Variants in TARDBP observed in about 807,000 individuals in gnomAD.
TARDBP encodes the protein TAR DNA binding protein.
A neutral mutation model predicts 38.3 loss-of-function variants in TARDBP; 4 were observed. The observed-to-expected ratio is 0.10, with a 90% CI of 0.05 to 0.24. The LOEUF is 0.24. TARDBP is among the 10% of genes least tolerant of loss of function. TARDBP has a pLI of 1.00. For synonymous variants in TARDBP, 184 were observed against 183.8 expected (o/e 1.00, Z -0.01); for missense variants, 202 against 521.9 (o/e 0.39, Z 5.97).
At chr1:11,021,733 T>C (rs1643642823) in intron 5 of TARDBP, among the ~76,000 whole-genome samples, 1 of 152,206 alleles carries the variant, frequency 6.6e-6, no homozygotes, top group African/African-American at 2.4e-5. Flanking sequence ...CCCAAGTAGC[T>C]AGGACAGATG....
intron 4 of TARDBP, chr1:11,019,086 AT>A (rs765514508): frequency 2.4e-5 from 15 of 629,832 alleles, no homozygotes; most frequent in Non-Finnish European, 3.8e-5. Flanking sequence ...ACCTTTGTTC[AT>A]TTTGTTCTTC....
chr1:11,017,202 CTTT>C (rs61443822), intron 3 of TARDBP, among the ~76,000 whole-genome samples, 195 bp downstream of exon 3: 66 of 105,838 alleles, frequency 6.2e-4, no homozygotes, highest in African/African-American at 1.9e-3. Flanking sequence ...TGTTACCTTT[CTTT>C]TTTTTTTTTT....
intron 1 of TARDBP, among the ~76,000 whole-genome samples, chr1:11,013,491 A>C (rs1643455648): frequency 6.6e-6 from 1 of 152,210 alleles, no homozygotes; most frequent in Non-Finnish European, 1.5e-5. Flanking sequence ...ATAAGCCTTC[A>C]GGGAAAGTTT....
downstream of TARDBP, chr1:11,030,320 C>A: frequency 9.2e-7 from 1 of 1,085,926 alleles, no homozygotes; most frequent in South Asian, 1.3e-5. Flanking sequence ...CTTGAATACC[C>A]CCTTGAAAAA....
chr1:11,016,403 G>C, intron 2 of TARDBP: 1 of 195,154 alleles, frequency 5.1e-6, no homozygotes, highest in South Asian at 8.8e-5. Flanking sequence ...TCAGCCTCCT[G>C]AGTTGCTGGA....
At chr1:11,019,924 G>A (rs1403907148) in intron 4 of TARDBP, among the ~76,000 whole-genome samples, 4 of 148,308 alleles carry the variant, frequency 2.7e-5, no homozygotes, top group Non-Finnish European at 5.9e-5. Context: ...GAGTGCAATG[G>A]TGCAATCTTG....
intron 3 of TARDBP, chr1:11,018,355 AT>A (rs1570718886): frequency 7.0e-6 from 1 of 142,310 alleles, no homozygotes; most frequent in East Asian, 1.8e-4. Flanking sequence ...CACCTGGCTA[AT>A]CTTTGTATTT....
downstream of TARDBP, among the ~76,000 whole-genome samples, chr1:11,028,858 C>T (rs1157575296): frequency 1.3e-5 from 2 of 151,448 alleles, no homozygotes; most frequent in Admixed American, 1.3e-4. Context: ...GGACTACAGG[C>T]ACACGCCACC....
Position 11,013,817 on chromosome 1 carries a change from G to A in TARDBP, c.90G>A (p.Thr30=), listed in dbSNP as rs111671110. 8.1e-6 allele frequency: 13 copies of A among 1,613,872 alleles called. No individual in the cohort carries two copies. Among genetic ancestry groups the A allele is most frequent in the African/African-American group, 1.3e-5 (1 of 74,930 alleles). The change falls in exon 2 of 6, where the codon ACG becomes ACA. Residue 30 remains threonine, a synonymous_variant. Transcript: ENST00000240185. Reference sequence around the variant, plus strand: ...ACGATGGGACGGTGCTGCTCTCCACGGTTACAGCCCAGTTTCCAGGGGCGT... The same window carrying A: ...ACGATGGGACGGTGCTGCTCTCCACAGTTACAGCCCAGTTTCCAGGGGCGT... The part of the protein sequence containing the change: ...SEDDGTVLLS[T]VTAQFPGACG...
intron 5 of TARDBP, among the ~76,000 whole-genome samples, 191 bp downstream of exon 5, chr1:11,020,790 T>C (rs908955608): frequency 6.6e-6 from 1 of 151,686 alleles, no homozygotes; most frequent in Non-Finnish European, 1.5e-5. Flanking sequence ...GGTGCACGCC[T>C]GTGGTCCCAG....
rs773358415 is a variant in TARDBP at position 11,013,793 on chromosome 1, C to T, written c.66C>T (p.Asp22=). The T allele has an allele frequency of 1.9e-6, 3 of 1,613,852 alleles. No homozygotes were observed. Among genetic ancestry groups the T allele is most frequent in the East Asian group, 2.2e-5 (1 of 44,892 alleles). The change falls in exon 2 of 6, where the codon GAC becomes GAT. Residue 22 remains aspartate (D), a synonymous_variant. Coordinates refer to ENST00000240185, the MANE Select transcript of TARDBP (RefSeq NM_007375.4). ...AGCCCATTGAAATACCATCGGAAGA[C>T]GATGGGACGGTGCTGCTCTCCACGG... is the stretch of plus-strand genomic sequence containing the variant. ...NDEPIEIPSE[D]DGTVLLSTVT...
intron 5 of TARDBP, among the ~76,000 whole-genome samples, chr1:11,021,595 T>C (rs191534768): frequency 1.8e-3 from 274 of 152,094 alleles, no homozygotes; most frequent in Non-Finnish European, 3.3e-3. Flanking sequence ...ATTTTTTAAA[T>C]TATTATTTTG....
At chr1:11,030,058 T>G (rs1018378808), downstream of TARDBP, 1 of 689,556 alleles carries the variant, frequency 1.5e-6, no homozygotes, top group Non-Finnish European at 2.5e-6. Context: ...AATAACAGCC[T>G]AAGAGCCAAG....
chr1:11,013,094 C>A (rs536362074), intron 1 of TARDBP, among the ~76,000 whole-genome samples: 1 of 152,242 alleles, frequency 6.6e-6, no homozygotes, highest in South Asian at 2.1e-4. Flanking sequence ...GAAACTCCTC[C>A]CTCGGCTGGC....
At chr1:11,021,814 G>A (rs535280422) in intron 5 of TARDBP, among the ~76,000 whole-genome samples, 3 of 151,982 alleles carry the variant, frequency 2.0e-5, no homozygotes, top group East Asian at 3.9e-4. Flanking sequence ...TCCCTGTGTT[G>A]TCTAGGCTGC....
intron 4 of TARDBP, among the ~76,000 whole-genome samples, chr1:11,019,732 A>G (rs111428026): frequency 0.042 from 6,324 of 151,824 alleles, 453 homozygotes; most frequent in African/African-American, 0.14. Flanking sequence ...ACGCCTGGCT[A>G]ATTTTTTGTA....
At chr1:11,020,797 C>G (rs1643622213) in intron 5 of TARDBP, among the ~76,000 whole-genome samples, 198 bp downstream of exon 5, 3 of 151,886 alleles carry the variant, frequency 2.0e-5, no homozygotes, top group Admixed American at 6.6e-5. Context: ...GCCTGTGGTC[C>G]CAGCTACTCT....
chr1:11,019,401 G>A (rs547124904), intron 4 of TARDBP, among the ~76,000 whole-genome samples: 1 of 152,132 alleles, frequency 6.6e-6, no homozygotes, highest in African/African-American at 2.4e-5. Context: ...TGTTTTTACT[G>A]TACCCTTTCT....
At chr1:11,020,281 T>A in intron 4 of TARDBP, 148 bp from the exon 5 acceptor site, 1 of 883,806 alleles carries the variant, frequency 1.1e-6, no homozygotes, top group Non-Finnish European at 1.8e-6. Context: ...GAAAAAGAAA[T>A]GCTGATGGAA....
Sources: allele counts gnomAD v4.1 joint callset (sites outside exome capture counted in the v4.1 genomes callset), GRCh38; gene constraint gnomAD v4.1.1; transcripts MANE v1.5; gene names NCBI Gene and HGNC (gene_info 2026-07-23, HGNC 2026-07-21).